ZNF407: variants seen among roughly 807,000 people sequenced by gnomAD.
ZNF407 encodes zinc finger protein 407.
A neutral mutation model predicts 131.2 loss-of-function variants in ZNF407; 17 were observed. The observed-to-expected ratio is 0.13, with a 90% CI of 0.09 to 0.19. The LOEUF is 0.19. Ranked by LOEUF, ZNF407 falls within the 10% of genes least tolerant of loss-of-function variation. The probability of loss-of-function intolerance (pLI) is 1.00; values close to 1 mark genes in which losing one functional copy is unlikely to be tolerated. For synonymous variants in ZNF407, 1,156 were observed against 1,062.0 expected, an observed-to-expected ratio of 1.09 and a Z score of -1.72; for missense variants, 2,681 against 2,830.6, an observed-to-expected ratio of 0.95 and a Z score of 1.20.
intron 4 of ZNF407, among the ~76,000 whole-genome samples, chr18:74,798,405 A>G (rs1478493578): frequency 1.3e-5 from 2 of 152,156 alleles, no homozygotes; most frequent in African/African-American, 4.8e-5. Context: ...TATTTAATAT[A>G]ATTTAAGTAG....
At chr18:74,983,368 G>C (rs1009606459) in intron 8 of ZNF407, among the ~76,000 whole-genome samples, 1 of 152,160 alleles carries the variant, frequency 6.6e-6, no homozygotes, top group Non-Finnish European at 1.5e-5. Flanking sequence ...AGCATGCAGT[G>C]TTTGTTCCTA....
intron 3 of ZNF407, among the ~76,000 whole-genome samples, chr18:74,719,355 A>G (rs1041900524): frequency 1.3e-5 from 2 of 151,528 alleles, no homozygotes; most frequent in African/African-American, 2.4e-5. Context: ...CCTACCCGCT[A>G]GTATCCTCTG....
chr18:74,916,120 A>AGT (rs367957127), intron 7 of ZNF407, among the ~76,000 whole-genome samples: 5 of 7,260 alleles, frequency 6.9e-4, no homozygotes, highest in Non-Finnish European at 9.8e-4. Flanking sequence ...TCGAATCGGG[A>AGT]GTGTGTGTGT....
chr18:74,607,057 C>T (rs899510225), intron 1 of ZNF407, among the ~76,000 whole-genome samples: 1 of 152,238 alleles, frequency 6.6e-6, no homozygotes, highest in Non-Finnish European at 1.5e-5. Context: ...CTGTGCCCTA[C>T]AGGAGGCAGG....
intron 3 of ZNF407, among the ~76,000 whole-genome samples, chr18:74,642,748 G>T (rs1984782121): frequency 1.3e-5 from 2 of 152,056 alleles, no homozygotes; most frequent in African/African-American, 2.4e-5. Flanking sequence ...ATACAGAATT[G>T]TACATGATTA....
intron 3 of ZNF407, among the ~76,000 whole-genome samples, chr18:74,680,414 A>G (rs1409184256): frequency 6.6e-6 from 1 of 151,384 alleles, no homozygotes; most frequent in Non-Finnish European, 1.5e-5. Flanking sequence ...AAAAAAAAAA[A>G]AATAGAACCC....
chr18:75,053,364 C>T (rs1333380715), intron 8 of ZNF407, among the ~76,000 whole-genome samples: 6 of 152,190 alleles, frequency 3.9e-5, no homozygotes, highest in Non-Finnish European at 8.8e-5. Flanking sequence ...CTGAACTTCC[C>T]TTGCTTCTCA....
At chr18:74,923,632 G>C (rs1301280221) in intron 8 of ZNF407, among the ~76,000 whole-genome samples, 1 of 151,820 alleles carries the variant, frequency 6.6e-6, no homozygotes, top group Non-Finnish European at 1.5e-5. Context: ...CTATAATTGT[G>C]GATTTATCTT....
chr18:74,686,171 A>C (rs973355419), intron 3 of ZNF407, among the ~76,000 whole-genome samples: 6 of 152,090 alleles, frequency 3.9e-5, no homozygotes, highest in Non-Finnish European at 7.4e-5. Flanking sequence ...CCAGTGTTCT[A>C]ACTTGGGTTC....
intron 3 of ZNF407, among the ~76,000 whole-genome samples, chr18:74,691,182 G>A (rs1030851552): frequency 2.0e-5 from 3 of 152,086 alleles, no homozygotes; most frequent in Non-Finnish European, 4.4e-5. Flanking sequence ...GGGAGGCTGA[G>A]GCAGGAGAAT....
intron 8 of ZNF407, among the ~76,000 whole-genome samples, chr18:74,945,318 T>A (rs925820986): frequency 6.6e-6 from 1 of 152,240 alleles, no homozygotes. Flanking sequence ...TTGCCGTGTG[T>A]CCTATAAATA....
chr18:74,966,613 G>C (rs760514068), intron 8 of ZNF407, among the ~76,000 whole-genome samples: 1 of 152,046 alleles, frequency 6.6e-6, no homozygotes, highest in Non-Finnish European at 1.5e-5. Flanking sequence ...CTCCAGTTTT[G>C]TTATTTTTGC....
chr18:74,756,898 A>G (rs1211211586), intron 3 of ZNF407, among the ~76,000 whole-genome samples: 3 of 152,072 alleles, frequency 2.0e-5, no homozygotes, highest in East Asian at 1.9e-4. Context: ...TGTTTATAGT[A>G]TTCATCTTTA....
intron 1 of ZNF407, among the ~76,000 whole-genome samples, chr18:74,614,003 G>A (rs1405498225): frequency 6.6e-6 from 1 of 152,176 alleles, no homozygotes; most frequent in Non-Finnish European, 1.5e-5. Context: ...TTTTCTTTGG[G>A]AGTGTGTAAT....
intron 3 of ZNF407, among the ~76,000 whole-genome samples, chr18:74,660,977 C>T (rs1431876474): frequency 6.6e-6 from 1 of 152,182 alleles, no homozygotes; most frequent in Non-Finnish European, 1.5e-5. Flanking sequence ...TGTCTCACCA[C>T]CTCATGCTAT....
At chr18:74,616,280 A>G (rs1983285844) in intron 1 of ZNF407, among the ~76,000 whole-genome samples, 1 of 152,190 alleles carries the variant, frequency 6.6e-6, no homozygotes, top group Non-Finnish European at 1.5e-5. Context: ...AGGAGTTTGA[A>G]ACTTCTTAGT....
At chr18:74,607,372 T>C (rs1223756962) in intron 1 of ZNF407, among the ~76,000 whole-genome samples, 6 of 152,128 alleles carry the variant, frequency 3.9e-5, no homozygotes. Flanking sequence ...GGAGATTAAG[T>C]AAACCTTCCC....
intron 8 of ZNF407, among the ~76,000 whole-genome samples, chr18:75,015,962 C>T (rs970009633): frequency 3.9e-5 from 6 of 151,908 alleles, no homozygotes; most frequent in Admixed American, 2.0e-4. Flanking sequence ...ATAAAACAGA[C>T]CATAAACTGA....
intron 3 of ZNF407, among the ~76,000 whole-genome samples, chr18:74,742,310 C>T (rs367696661): frequency 3.4e-4 from 51 of 152,160 alleles, no homozygotes; most frequent in African/African-American, 1.1e-3. Context: ...AAGAGAATAC[C>T]GCTTAGAAAT....
Sources: allele counts gnomAD v4.1 joint callset (sites outside exome capture counted in the v4.1 genomes callset), GRCh38; gene constraint gnomAD v4.1.1; transcripts MANE v1.5; gene names NCBI Gene and HGNC (gene_info 2026-07-23, HGNC 2026-07-21).